ILRUN: variants seen among roughly 807,000 people sequenced by gnomAD.
ILRUN encodes the protein inflammation and lipid regulator with UBA-like and NBR1-like domains, also known as protein ILRUN.
A neutral mutation model predicts 33.8 loss-of-function variants in ILRUN; 3 were observed. That is an observed-to-expected ratio of 0.09 (90% CI 0.04 to 0.23). The LOEUF (loss-of-function observed/expected upper bound fraction) is 0.23. Among genes scored for constraint, ILRUN ranks in the 10% least tolerant of loss-of-function variants. The pLI, the probability that ILRUN is intolerant of heterozygous loss-of-function variation, is 1.00. For synonymous variants in ILRUN, 124 were observed against 138.9 expected (o/e 0.89, Z 0.75); for missense variants, 210 against 375.1 (o/e 0.56, Z 3.64).
chr6:34,646,523 G>T lies in ILRUN; in HGVS notation c.511+78C>A. The T allele has an allele frequency of 5.2e-5, 74 of 1,414,240 alleles. 2 individuals carry two copies. In the South Asian group the frequency reaches 8.8e-4, roughly 17 times the overall value. The allele number at this position is 1,414,240 out of a possible 1,614,324, so 87.6% of individuals were successfully genotyped here. A position where few individuals can be genotyped will look rare whatever the true frequency, so the allele number is the denominator to read the frequency against. On this transcript the variant is annotated intron_variant, in intron 3 of 4. Transcript: ENST00000374023. The surrounding 1 kb of genome is among the most constrained non-coding windows in gnomAD (Gnocchi z 4.9). ...CATGCCCTGTTATGCAATTTGACAG[G>T]CTCTGTGAGCAACACTGGGGATGTT...
At chr6:34,670,689 A>T (rs1443542114) in intron 1 of ILRUN, among the ~76,000 whole-genome samples, 10 of 146,970 alleles carry the variant, frequency 6.8e-5, no homozygotes, top group African/African-American at 2.5e-4. Flanking sequence ...TGTCTCTACT[A>T]AAAAAAAAAT....
At chr6:34,641,222 A>T (rs1423578785) in intron 3 of ILRUN, among the ~76,000 whole-genome samples, 1 of 152,234 alleles carries the variant, frequency 6.6e-6, no homozygotes, top group South Asian at 2.1e-4. Context: ...CCTAGGCAAC[A>T]GAGTCCCACA....
chr6:34,661,557 A>G (rs1428756890), intron 1 of ILRUN, among the ~76,000 whole-genome samples: 1 of 152,182 alleles, frequency 6.6e-6, no homozygotes, highest in Non-Finnish European at 1.5e-5. Flanking sequence ...GGCTCTCTTC[A>G]ACAGAGATAA....
intron 1 of ILRUN, among the ~76,000 whole-genome samples, chr6:34,671,237 G>A (rs1763111549): frequency 6.6e-6 from 1 of 151,138 alleles, no homozygotes; most frequent in Non-Finnish European, 1.5e-5. Context: ...AATACACAAA[G>A]TAGCCAGGTG....
At chr6:34,598,569 C>T (rs1435891365) in intron 4 of ILRUN, among the ~76,000 whole-genome samples, 3 of 152,296 alleles carry the variant, frequency 2.0e-5, no homozygotes, top group Admixed American at 2.0e-4. Context: ...TGCTGGCAAT[C>T]TTGGGAACAT....
intron 1 of ILRUN, among the ~76,000 whole-genome samples, chr6:34,660,154 T>A (rs1336406947): frequency 1.4e-4 from 19 of 138,384 alleles, no homozygotes; most frequent in African/African-American, 3.9e-4. Context: ...AAAAAAAAAA[T>A]CAGCCAGGCA....
chr6:34,614,449 T>C, intron 3 of ILRUN, among the ~76,000 whole-genome samples: 1 of 134,852 alleles, frequency 7.4e-6, no homozygotes, highest in Non-Finnish European at 1.6e-5. Flanking sequence ...AAAAAATATA[T>C]ATATATAAAA....
chr6:34,679,524 T>G (rs1332365754), intron 1 of ILRUN, among the ~76,000 whole-genome samples: 2 of 152,314 alleles, frequency 1.3e-5, no homozygotes, highest in South Asian at 2.1e-4. Flanking sequence ...AAAAGATTAT[T>G]AATCATATCT....
At chr6:34,622,012 CA>C (rs1195618409) in intron 3 of ILRUN, among the ~76,000 whole-genome samples, 2 of 152,134 alleles carry the variant, frequency 1.3e-5, no homozygotes, top group Non-Finnish European at 2.9e-5. Context: ...ACAGTCTTCT[CA>C]AAAAACGATG....
At chr6:34,665,436 T>C (rs1762973829) in intron 1 of ILRUN, among the ~76,000 whole-genome samples, 1 of 152,018 alleles carries the variant, frequency 6.6e-6, no homozygotes, top group Admixed American at 6.6e-5. Context: ...GACAAGACGC[T>C]GTCTCAAAAA....
chr6:34,650,021 T>C (rs1390428771), intron 2 of ILRUN, among the ~76,000 whole-genome samples: 1 of 152,188 alleles, frequency 6.6e-6, no homozygotes, highest in Non-Finnish European at 1.5e-5. Flanking sequence ...TAAAGACGAC[T>C]CTGTATCAAT....
intron 3 of ILRUN, among the ~76,000 whole-genome samples, chr6:34,634,408 A>C (rs1486813894): frequency 1.3e-5 from 2 of 152,168 alleles, no homozygotes; most frequent in Non-Finnish European, 1.5e-5. Flanking sequence ...TCAAAGCAAT[A>C]ATCTCAGTTT....
chr6:34,624,332 T>G (rs894798765), intron 3 of ILRUN, among the ~76,000 whole-genome samples: 1 of 152,100 alleles, frequency 6.6e-6, no homozygotes, highest in Non-Finnish European at 1.5e-5. Context: ...TTTTATTTTT[T>G]TATTTTTTTT....
At chr6:34,609,506 G>A (rs1402088368) in intron 3 of ILRUN, among the ~76,000 whole-genome samples, 1 of 151,764 alleles carries the variant, frequency 6.6e-6, no homozygotes, top group Non-Finnish European at 1.5e-5. Context: ...AAAAGGTGGG[G>A]TGGAATCTTA....
At chr6:34,661,765 A>C (rs1762890272) in intron 1 of ILRUN, among the ~76,000 whole-genome samples, 1 of 152,178 alleles carries the variant, frequency 6.6e-6, no homozygotes, top group African/African-American at 2.4e-5. Context: ...TAATAGGTCC[A>C]AATTAGTTCA....
chr6:34,596,301 A>G (rs1394259444), intron 4 of ILRUN, among the ~76,000 whole-genome samples: 1 of 152,200 alleles, frequency 6.6e-6, no homozygotes, highest in Non-Finnish European at 1.5e-5. Context: ...TCTGTCGCCC[A>G]GGCTGGAGTG....
chr6:34,600,849 T>C (rs906279673), intron 4 of ILRUN, among the ~76,000 whole-genome samples: 1 of 152,222 alleles, frequency 6.6e-6, no homozygotes, highest in Non-Finnish European at 1.5e-5. Context: ...AACAAAAATG[T>C]GTACTTGAAC....
chr6:34,614,218 C>T (rs970190328), intron 3 of ILRUN, among the ~76,000 whole-genome samples: 1 of 151,826 alleles, frequency 6.6e-6, no homozygotes, highest in African/African-American at 2.4e-5. Context: ...GTCAGGAGAT[C>T]GAGACCATCC....
intron 1 of ILRUN, chr6:34,671,907 C>T (rs1763124463): frequency 6.6e-6 from 1 of 152,124 alleles, no homozygotes. Flanking sequence ...AATGAGTAGC[C>T]CAAAACAGTT....
Sources: gnomAD v4.1 joint callset for allele counts (sites outside exome capture counted in the v4.1 genomes callset) on GRCh38, gnomAD v4.1.1 for gene constraint, Gnocchi (gnomAD v3.1) non-coding constraint, MANE v1.5 for transcripts, NCBI Gene and HGNC (gene_info 2026-07-23, HGNC 2026-07-21) for gene names.